Variants in ANO10 observed in about 807,000 individuals in gnomAD.
ANO10 encodes the protein anoctamin-10.
ANO10 carries 77 observed loss-of-function variants against 74.7 expected under a neutral mutation model. The observed-to-expected ratio is 1.03, with a 90% CI of 0.86 to 1.25. The LOEUF (loss-of-function observed/expected upper bound fraction) is 1.25. Among genes scored for constraint, ANO10 ranks in the 50% most tolerant of loss-of-function variants. The probability of loss-of-function intolerance (pLI) is 0.00; values close to 1 mark genes in which losing one functional copy is unlikely to be tolerated. For synonymous variants in ANO10, 279 were observed against 284.9 expected (o/e 0.98, Z 0.21); for missense variants, 721 against 778.1 (o/e 0.93, Z 0.87).
chr3:43,549,527 T>C (rs963320579), intron 11 of ANO10, among the ~76,000 whole-genome samples, 193 bp downstream of exon 11: 4 of 152,174 alleles, frequency 2.6e-5, no homozygotes, highest in Admixed American at 1.3e-4. Context: ...GTGACAGTTT[T>C]TCATACTTGG....
At chr3:43,554,761 G>A (rs1266693724) in intron 10 of ANO10, among the ~76,000 whole-genome samples, 1 of 152,160 alleles carries the variant, frequency 6.6e-6, no homozygotes, top group African/African-American at 2.4e-5. Flanking sequence ...TTCAGGGAGA[G>A]AAGGACAGGT....
intron 11 of ANO10, among the ~76,000 whole-genome samples, chr3:43,510,990 C>A (rs2077487898): frequency 6.6e-6 from 1 of 152,162 alleles, no homozygotes; most frequent in Non-Finnish European, 1.5e-5. Flanking sequence ...ACCCGTTTAT[C>A]CCAATTCACA....
intron 1 of ANO10, among the ~76,000 whole-genome samples, chr3:43,638,162 T>C (rs998510560): frequency 2.0e-5 from 3 of 152,232 alleles, no homozygotes; most frequent in African/African-American, 7.2e-5. Context: ...TAAATGGTCA[T>C]TGACTAACCA....
At chr3:43,595,731 T>G (rs2082045594) in intron 4 of ANO10, among the ~76,000 whole-genome samples, 1 of 152,216 alleles carries the variant, frequency 6.6e-6, no homozygotes, top group South Asian at 2.1e-4. Flanking sequence ...TCACTGCTCC[T>G]ATTCAACATA....
At chr3:43,555,136 C>T in intron 10 of ANO10, 142 bp downstream of exon 10, 1 of 820,832 alleles carries the variant, frequency 1.2e-6, no homozygotes, top group Middle Eastern at 3.3e-4. Context: ...TTATCCAAGG[C>T]CACACAGCTA....
At chr3:43,474,082 T>C (rs188673234) in intron 11 of ANO10, among the ~76,000 whole-genome samples, 2 of 152,334 alleles carry the variant, frequency 1.3e-5, no homozygotes, top group African/African-American at 2.4e-5. Flanking sequence ...CAGAGGCCTT[T>C]TTGGTTTTGG....
intron 11 of ANO10, among the ~76,000 whole-genome samples, chr3:43,436,183 C>T (rs1446599842): frequency 6.6e-6 from 1 of 152,116 alleles, no homozygotes; most frequent in Non-Finnish European, 1.5e-5. Context: ...ATTTTCCATA[C>T]AGCCACTCTG....
chr3:43,394,701 G>A (rs2092344510), intron 12 of ANO10, among the ~76,000 whole-genome samples: 1 of 152,172 alleles, frequency 6.6e-6, no homozygotes, highest in Non-Finnish European at 1.5e-5. Flanking sequence ...ACGCAACAGT[G>A]GTTAAGAGAA....
chr3:43,412,904 A>G (rs1159132677), intron 12 of ANO10, among the ~76,000 whole-genome samples: 1 of 152,130 alleles, frequency 6.6e-6, no homozygotes, highest in Non-Finnish European at 1.5e-5. Flanking sequence ...CACAAAAATT[A>G]GCCAGGCATG....
rs574715124 is a variant in ANO10, at chr3:43,571,699, G to T, written c.1218+3110C>A. On this transcript the variant is annotated intron_variant, in intron 7 of 12. Transcript: ENST00000292246. ...GGGGACTGTTGTGGGGTGGGGGCAG[G>T]GGGGAGGGATAGCATTGGGAGATAT... Among the ~76,000 whole-genome samples the T allele has an allele frequency of 3.0e-4, 45 of 151,584 alleles. 1 individual carries two copies. In the South Asian group the frequency reaches 3.5e-3, roughly 12 times the overall value.
chr3:43,654,713 T>A (rs2083827938), intron 1 of ANO10, among the ~76,000 whole-genome samples: 1 of 152,126 alleles, frequency 6.6e-6, no homozygotes, highest in African/African-American at 2.4e-5. Flanking sequence ...AGAAGAGAAG[T>A]GGTCATCCTC....
At chr3:43,372,819 G>A (rs2091664330) in intron 12 of ANO10, 2 of 1,535,154 alleles carry the variant, frequency 1.3e-6, no homozygotes, top group African/African-American at 1.4e-5. Flanking sequence ...TGAATACCGT[G>A]GAAGAGAGAC....
At chr3:43,547,109 A>G (rs769257952) in intron 11 of ANO10, among the ~76,000 whole-genome samples, 36 of 152,220 alleles carry the variant, frequency 2.4e-4, no homozygotes, top group Non-Finnish European at 4.9e-4. Flanking sequence ...TTCTCTTCTG[A>G]GACCATTGAG....
At chr3:43,570,875 A>C (rs1187825723) in intron 7 of ANO10, among the ~76,000 whole-genome samples, 15 of 138,276 alleles carry the variant, frequency 1.1e-4, no homozygotes, top group East Asian at 1.0e-3. Context: ...AGCAAAAGAA[A>C]CTACCATCAG....
intron 11 of ANO10, among the ~76,000 whole-genome samples, chr3:43,439,384 C>T (rs1311171113): frequency 6.7e-6 from 1 of 149,744 alleles, no homozygotes; most frequent in Non-Finnish European, 1.5e-5. Context: ...CATAATGCTA[C>T]AGGCATTCCT....
rs919494037 is a variant in ANO10 at position 43,556,688 on chromosome 3, G to C, written c.1477-1219C>G. 4.6e-5 allele frequency among the ~76,000 whole-genome samples: 7 copies of C among 152,074 alleles called. No homozygotes were observed. The East Asian group carries it at 1.2e-3, about 25-fold the overall frequency. On this transcript the variant is annotated intron_variant, in intron 9 of 12. Coordinates refer to ENST00000292246, the MANE Select transcript of ANO10 (RefSeq NM_018075.5). ...ACAATCTACCCTATTCTCTCTTTTT[G>C]TTGGACCATGCTATCAACACTCAGC...
chr3:43,490,882 G>A (rs979584319), intron 11 of ANO10, among the ~76,000 whole-genome samples: 2 of 152,108 alleles, frequency 1.3e-5, no homozygotes, highest in African/African-American at 4.8e-5. Context: ...ATAATAATTG[G>A]CCACAGCCGG....
At chr3:43,681,741 A>G (rs1413480094) in intron 1 of ANO10, among the ~76,000 whole-genome samples, 1 of 152,248 alleles carries the variant, frequency 6.6e-6, no homozygotes, top group Non-Finnish European at 1.5e-5. Context: ...CTCAGACCAC[A>G]GTGCAATCAA....
chr3:43,443,689 T>TC (rs2093197583), intron 11 of ANO10, among the ~76,000 whole-genome samples: 1 of 148,844 alleles, frequency 6.7e-6, no homozygotes, highest in Admixed American at 6.7e-5. Context: ...CTTTTTTTTT[T>TC]TTTTTTTTTT....
Sources: allele counts gnomAD v4.1 joint callset (sites outside exome capture counted in the v4.1 genomes callset), GRCh38; gene constraint gnomAD v4.1.1; transcripts MANE v1.5; gene names NCBI Gene and HGNC (gene_info 2026-07-23, HGNC 2026-07-21).